VPS36: variants seen among roughly 807,000 people sequenced by gnomAD.
VPS36 encodes the protein vacuolar protein sorting 36 homolog.
Under a neutral mutation model 63.5 loss-of-function variants are expected in VPS36, and 31 were observed. That is an observed-to-expected ratio of 0.49 (90% CI 0.37 to 0.66). The LOEUF (loss-of-function observed/expected upper bound fraction) is 0.66, where lower values mean the gene tolerates loss of function less well. Ranked by LOEUF, VPS36 falls within the 30% of genes least tolerant of loss-of-function variation. The pLI, the probability that VPS36 is intolerant of heterozygous loss-of-function variation, is 0.00. For synonymous variants in VPS36, 138 were observed against 157.2 expected, an observed-to-expected ratio of 0.88 and a Z score of 0.91; for missense variants, 338 against 463.7, an observed-to-expected ratio of 0.73 and a Z score of 2.49.
intron 6 of VPS36, among the ~76,000 whole-genome samples, chr13:52,431,174 A>T (rs550634905): frequency 6.6e-6 from 1 of 152,260 alleles, no homozygotes; most frequent in African/African-American, 2.4e-5. Context: ...TGAGGCAGAG[A>T]GTGTATGTAG....
rs1037480527 is a variant in VPS36 at position 52,436,399 on chromosome 13, T to A, written c.242A>T (p.Lys81Ile). 1.2e-6 allele frequency: 2 copies of A among 1,607,596 alleles called. No homozygotes were observed. The highest frequency in any genetic ancestry group is 1.7e-5 in the Admixed American group (1 of 59,558). The change falls in exon 4 of 14, where the codon AAA becomes ATA. Residue 81 changes from lysine (K) to isoleucine (I), a missense_variant. Physicochemically the swap from Lys to Ile is moderately radical, Grantham distance 102. Coordinates refer to ENST00000378060, the MANE Select transcript of VPS36 (RefSeq NM_016075.4). ...EQAAGIGKSA[K>I]IVVHLHPAPP... The stretch of plus-strand genomic sequence containing the variant: ...AGCTGGGTGAAGATGAACCACTATT[T>A]TGGCACTGAAGAAAGAACAAATGTA...
intron 10 of VPS36, 23 bp downstream of exon 10, chr13:52,423,551 G>A: frequency 6.3e-7 from 1 of 1,589,374 alleles, no homozygotes; most frequent in South Asian, 1.1e-5. Flanking sequence ...GGTTAAAAGA[G>A]TATTTAAATT....
chr13:52,426,941 C>T, intron 8 of VPS36, 48 bp downstream of exon 8: 1 of 1,297,426 alleles, frequency 7.7e-7, no homozygotes, highest in African/African-American at 1.5e-5. Flanking sequence ...AACCTTACTG[C>T]ATTGTGTTAT....
At chr13:52,445,420 A>AGGTCAGG (rs1958327323) in intron 1 of VPS36, among the ~76,000 whole-genome samples, 1 of 151,870 alleles carries the variant, frequency 6.6e-6, no homozygotes, top group Non-Finnish European at 1.5e-5. Context: ...AAGGCGGATC[A>AGGTCAGG]CGAGGTCAGG....
chr13:52,426,239 C>G (rs1186070918), intron 8 of VPS36, among the ~76,000 whole-genome samples, 173 bp from the exon 9 acceptor site: 4 of 152,212 alleles, frequency 2.6e-5, no homozygotes, highest in Non-Finnish European at 5.9e-5. Context: ...CTGCATACAT[C>G]TAATTATTCT....
intron 2 of VPS36, 105 bp from the exon 3 acceptor site, chr13:52,439,273 A>T: frequency 1.3e-6 from 1 of 799,206 alleles, no homozygotes; most frequent in Non-Finnish European, 1.9e-6. Context: ...CCTTAATAAT[A>T]AAAATAATGA....
chr13:52,439,285 AAAC>A, intron 2 of VPS36, 117 bp from the exon 3 acceptor site: 1 of 789,090 alleles, frequency 1.3e-6, no homozygotes, highest in East Asian at 2.7e-5. Context: ...AAATAATGAA[AAAC>A]AATAATGATT....
chr13:52,429,261 C>T, intron 6 of VPS36: 1 of 985,372 alleles, frequency 1.0e-6, no homozygotes, highest in Non-Finnish European at 1.2e-6. Context: ...TGGCTATTAG[C>T]ATCAGTAACT....
At chr13:52,444,621 A>G (rs1289493781) in intron 1 of VPS36, among the ~76,000 whole-genome samples, 1 of 150,114 alleles carries the variant, frequency 6.7e-6, no homozygotes, top group Non-Finnish European at 1.5e-5. Flanking sequence ...GAGCATTACT[A>G]TATATCATTC....
Position 52,425,932 on chromosome 13 carries a change from C to T in VPS36, c.774G>A (p.Glu258=). ...AAAAACACATAGGTTTAGTTTTTAC[C>T]TCTAAAGGCACCTGCAATATTCCAG... ...QLAGILQVPL[E]ERGGIMSLTE... Residue 258 remains glutamate (E), a splice_region_variant and synonymous_variant, in exon 9 of 14, where the codon GAG becomes GAA. Transcript: ENST00000378060. 6.2e-7 allele frequency: 1 copy of T among 1,610,314 alleles called. No homozygotes were observed. The highest frequency in any genetic ancestry group is 8.5e-7 in the Non-Finnish European group (1 of 1,178,818).
chr13:52,418,446 G>T lies in VPS36; in HGVS notation c.841-390C>A, dbSNP rs1331812256. ...AAAAATTAGCCGGGCGCGGTGGCGG[G>T]TGCCTGTAATCCCAGCTACTCGAGA... is the stretch of plus-strand genomic sequence containing the variant. On this transcript the variant is annotated intron_variant, in intron 10 of 13. Transcript: ENST00000378060. Among the ~76,000 whole-genome samples, 5 of 151,434 alleles carry T rather than the reference G, an allele frequency of 3.3e-5. No individual in the cohort carries two copies. The East Asian group carries it at 9.8e-4, about 30-fold the overall frequency.
chr13:52,448,197 C>G (rs1348854147), intron 1 of VPS36, among the ~76,000 whole-genome samples: 1 of 152,186 alleles, frequency 6.6e-6, no homozygotes, highest in African/African-American at 2.4e-5. Context: ...GGATGCAAAA[C>G]TATGAATATT....
intron 6 of VPS36, among the ~76,000 whole-genome samples, chr13:52,430,821 A>G (rs1453048811): frequency 6.6e-6 from 1 of 152,074 alleles, no homozygotes; most frequent in Admixed American, 6.6e-5. Context: ...ATCTAGGAAA[A>G]ACAGCAAGTG....
chr13:52,450,078 C>T lies in VPS36; in HGVS notation c.96+421G>A, dbSNP rs1460745221. ...CTCCTCACAGAAAGGCGAAACGGGGCTGTCCGGTGCCGACGCCGAGGTTGG... is the reference window on the plus strand; with the variant it reads ...CTCCTCACAGAAAGGCGAAACGGGGTTGTCCGGTGCCGACGCCGAGGTTGG... On this transcript the variant is annotated intron_variant, in intron 1 of 13. Coordinates refer to ENST00000378060, the MANE Select transcript of VPS36 (RefSeq NM_016075.4). The T allele has an allele frequency of 6.1e-6, 6 of 988,640 alleles. No individual in the cohort carries two copies. The East Asian group carries it at 6.7e-4, about 111-fold the overall frequency. The allele number at this position is 988,640 out of a possible 1,614,324, so 61.2% of individuals were successfully genotyped here.
At chr13:52,450,389 G>C in intron 1 of VPS36, 110 bp downstream of exon 1, 1 of 1,299,722 alleles carries the variant, frequency 7.7e-7, no homozygotes. Context: ...CGAGGGCCGT[G>C]AGCTAAGCCG....
At chr13:52,440,235 T>C (rs2137803706) in intron 2 of VPS36, among the ~76,000 whole-genome samples, 1 of 152,302 alleles carries the variant, frequency 6.6e-6, no homozygotes, top group Non-Finnish European at 1.5e-5. Flanking sequence ...TGCCTCGGCC[T>C]CCCAAAGTAC....
intron 10 of VPS36, among the ~76,000 whole-genome samples, chr13:52,421,680 C>T (rs1355234257): frequency 6.6e-6 from 1 of 151,904 alleles, no homozygotes; most frequent in South Asian, 2.1e-4. Flanking sequence ...CACCACCAAA[C>T]CCAGATAATT....
At chr13:52,436,218 AACACACACACACACAC>A (rs150816705) in intron 4 of VPS36, 56 bp downstream of exon 4, 586 of 644,048 alleles carry the variant, frequency 9.1e-4, no homozygotes, top group Non-Finnish European at 1.3e-3. Flanking sequence ...AACAAGCCAC[AACACACACACACACAC>A]ACACACACAC....
intron 12 of VPS36, among the ~76,000 whole-genome samples, 151 bp downstream of exon 12, chr13:52,416,902 GATTC>G (rs1207462294): frequency 6.6e-6 from 1 of 152,210 alleles, no homozygotes; most frequent in Non-Finnish European, 1.5e-5. Flanking sequence ...GGTTAATATT[GATTC>G]ATTGTTAGTG....
Sources: allele counts gnomAD v4.1 joint callset (sites outside exome capture counted in the v4.1 genomes callset), GRCh38; gene constraint gnomAD v4.1.1; transcripts MANE v1.5; gene names NCBI Gene and HGNC (gene_info 2026-07-23, HGNC 2026-07-21).